Variants in GABRA1 observed in about 807,000 individuals in gnomAD.
GABRA1 encodes gamma-aminobutyric acid type A receptor subunit alpha1.
A neutral mutation model predicts 48.9 loss-of-function variants in GABRA1; 9 were observed. The ratio of observed to expected loss-of-function variants is 0.18; its 90% CI spans 0.11 to 0.32. GABRA1 has a LOEUF of 0.32. GABRA1 is among the 10% of genes least tolerant of loss of function. The pLI is 1.00. For missense variants in GABRA1, 285 were observed against 553.8 expected (o/e 0.51, Z 4.87); for synonymous variants, 210 against 198.7 (o/e 1.06, Z -0.48).
chr5:161,867,152 C>A (rs531612263), intron 4 of GABRA1, among the ~76,000 whole-genome samples: 45 of 152,086 alleles, frequency 3.0e-4, no homozygotes, highest in Non-Finnish European at 5.6e-4. Flanking sequence ...GTCTGTAGAC[C>A]ACTTTATTGA....
At chr5:161,847,214 G>T (rs1252758088), upstream of GABRA1, 2 of 152,130 alleles carry the variant, frequency 1.3e-5, no homozygotes, top group Non-Finnish European at 2.9e-5. Flanking sequence ...GGAGAAGGGG[G>T]GGGAAAAGTA....
chr5:161,882,762 C>A, intron 7 of GABRA1, 61 bp downstream of exon 7: 1 of 1,478,872 alleles, frequency 6.8e-7, no homozygotes, highest in Non-Finnish European at 9.4e-7. Context: ...TTTGTGAGAA[C>A]TCAATGAATC....
chr5:161,858,635 G>A (rs556518196), intron 3 of GABRA1, among the ~76,000 whole-genome samples: 266 of 151,826 alleles, frequency 1.8e-3, no homozygotes, highest in Middle Eastern at 3.4e-3. Context: ...TACAAAAGAT[G>A]TATTATTCTA....
rs771316858 is a variant in GABRA1 at position 161,897,207 on chromosome 5, T to C, written c.1156T>C (p.Leu386=). Residue 386 remains leucine (L), a synonymous_variant, in exon 10 of 10, where the codon TTA becomes CTA. Coordinates refer to ENST00000393943, the MANE Select transcript of GABRA1 (RefSeq NM_001127644.2). ...TAATTTGGCCAGGGGCGACCCGGGC[T>C]TAGCCACCATTGCTAAAAGTGCAAC... ...TPNLARGDPG[L]ATIAKSATIE... 1 of 1,614,146 alleles carries C rather than the reference T, an allele frequency of 6.2e-7. No individual in the cohort carries two copies. Among genetic ancestry groups the C allele is most frequent in the Non-Finnish European group, 8.5e-7 (1 of 1,180,010 alleles).
In GABRA1 at chr5:161,882,601, G is replaced by C. The variant is rs773177131; in HGVS notation, c.603G>C (p.Glu201Asp). 6.2e-7 allele frequency: 1 copy of C among 1,613,678 alleles called. No homozygotes were observed. Among genetic ancestry groups the C allele is most frequent in the Non-Finnish European group, 8.5e-7 (1 of 1,179,752 alleles). ...AAGTTGTTTATGAATGGACCAGAGAGCCAGCACGCTCAGTGGTTGTAGCAG... is the reference window on the plus strand; with the variant it reads ...AAGTTGTTTATGAATGGACCAGAGACCCAGCACGCTCAGTGGTTGTAGCAG... ...RAEVVYEWTR[E>D]PARSVVVAED... is the part of the protein sequence containing the mutation. Residue 201 changes from glutamate to aspartate, a missense_variant, in exon 7 of 10, where the codon GAG becomes GAC. Physicochemically the swap from Glu to Asp is conservative, Grantham distance 45. Coordinates refer to ENST00000393943, the MANE Select transcript of GABRA1 (RefSeq NM_001127644.2).
chr5:161,847,523 G>T (rs1278765834), upstream of GABRA1: 1 of 152,116 alleles, frequency 6.6e-6, no homozygotes, highest in East Asian at 1.9e-4. Context: ...AGAAGAAGGT[G>T]GGGTGGAAAG....
intron 7 of GABRA1, among the ~76,000 whole-genome samples, chr5:161,887,348 A>T (rs898703174): frequency 1.3e-5 from 2 of 152,136 alleles, no homozygotes; most frequent in African/African-American, 2.4e-5. Flanking sequence ...AACATTGGTG[A>T]TCATCATTCA....
intron 3 of GABRA1, among the ~76,000 whole-genome samples, chr5:161,860,109 A>G (rs1391992518): frequency 1.3e-5 from 2 of 151,880 alleles, no homozygotes; most frequent in African/African-American, 4.8e-5. Context: ...CAAAACCCCA[A>G]GAAGAATTGT....
intron 7 of GABRA1, among the ~76,000 whole-genome samples, chr5:161,886,531 G>A (rs1333155989): frequency 6.6e-6 from 1 of 151,978 alleles, no homozygotes. Flanking sequence ...AGCACTTTGG[G>A]AGGCTGAGAC....
At chr5:161,882,488 A>T (rs538867557) in intron 6 of GABRA1, 70 bp from the exon 7 acceptor site, 1 of 1,409,844 alleles carries the variant, frequency 7.1e-7, no homozygotes, top group Admixed American at 1.7e-5. Flanking sequence ...GAAGCTGATG[A>T]AAGGTACCAA....
chr5:161,888,520 G>A (rs900365057), intron 7 of GABRA1, among the ~76,000 whole-genome samples: 2 of 151,990 alleles, frequency 1.3e-5, no homozygotes, highest in African/African-American at 2.4e-5. Flanking sequence ...AAAATGTCAT[G>A]TTGAGAACAA....
At chr5:161,881,255 T>G (rs1206758352) in intron 6 of GABRA1, among the ~76,000 whole-genome samples, 1 of 152,174 alleles carries the variant, frequency 6.6e-6, no homozygotes, top group Non-Finnish European at 1.5e-5. Context: ...TGATATTTTC[T>G]TTAATGTTTA....
chr5:161,867,118 C>T (rs759627076), intron 4 of GABRA1, among the ~76,000 whole-genome samples: 32 of 152,108 alleles, frequency 2.1e-4, no homozygotes, highest in African/African-American at 4.8e-4. Flanking sequence ...ATGCATCTTA[C>T]GATTTATTTT....
intron 2 of GABRA1, among the ~76,000 whole-genome samples, chr5:161,852,719 G>A (rs894146871): frequency 5.9e-5 from 9 of 151,876 alleles, no homozygotes; most frequent in African/African-American, 1.2e-4. Flanking sequence ...GTTGAAATTA[G>A]GAGAATGAAA....
chr5:161,853,494 T>C (rs1049505868), intron 2 of GABRA1, among the ~76,000 whole-genome samples: 1 of 151,868 alleles, frequency 6.6e-6, no homozygotes, highest in African/African-American at 2.4e-5. Context: ...TTGAACTTGA[T>C]CTTTCTAAAG....
At chr5:161,892,094 C>T (rs951208339) in intron 8 of GABRA1, among the ~76,000 whole-genome samples, 11 of 152,196 alleles carry the variant, frequency 7.2e-5, no homozygotes, top group Non-Finnish European at 1.2e-4. Flanking sequence ...AATGACAATG[C>T]TGTATCGTCA....
chr5:161,860,823 C>T (rs1420899214), intron 3 of GABRA1, among the ~76,000 whole-genome samples: 1 of 151,766 alleles, frequency 6.6e-6, no homozygotes, highest in Non-Finnish European at 1.5e-5. Context: ...ACCACTGCAA[C>T]TATGTCCAAG....
chr5:161,879,305 T>C (rs1031822858), intron 6 of GABRA1, among the ~76,000 whole-genome samples: 3 of 152,082 alleles, frequency 2.0e-5, no homozygotes, highest in African/African-American at 7.2e-5. Flanking sequence ...AGAGACAGAA[T>C]TTTGCCATTT....
At chr5:161,890,754 A>G in intron 7 of GABRA1, 144 bp from the exon 8 acceptor site, 1 of 730,648 alleles carries the variant, frequency 1.4e-6, no homozygotes, top group Non-Finnish European at 2.4e-6. Context: ...TTTTCTGGAT[A>G]AAAACTTTTC....
Sources: allele counts gnomAD v4.1 joint callset (sites outside exome capture counted in the v4.1 genomes callset), GRCh38; gene constraint gnomAD v4.1.1; transcripts MANE v1.5; gene names NCBI Gene and HGNC (gene_info 2026-07-23, HGNC 2026-07-21).